Variants in DCTN4 observed in about 807,000 individuals in gnomAD.
DCTN4 encodes dynactin subunit 4.
Under a neutral mutation model 62.7 loss-of-function variants are expected in DCTN4, and 23 were observed. That is an observed-to-expected ratio of 0.37 (90% CI 0.26 to 0.52). The LOEUF (loss-of-function observed/expected upper bound fraction) is 0.52, where lower values mean the gene tolerates loss of function less well. Ranked by LOEUF, DCTN4 falls within the 20% of genes least tolerant of loss-of-function variation. The pLI is 0.92. For missense variants in DCTN4, 514 were observed against 580.4 expected (o/e 0.89, Z 1.18); for synonymous variants, 199 against 202.1 (o/e 0.98, Z 0.13).
chr5:150,711,477 A>G, intron 12 of DCTN4, 115 bp from the exon 13 acceptor site: 1 of 804,046 alleles, frequency 1.2e-6, no homozygotes, highest in Non-Finnish European at 2.0e-6. Flanking sequence ...CAGAAAACCT[A>G]TAAACACTTT....
intron 3 of DCTN4, among the ~76,000 whole-genome samples, chr5:150,748,332 G>C (rs955081553): frequency 1.3e-5 from 2 of 151,854 alleles, no homozygotes; most frequent in Admixed American, 6.6e-5. Context: ...CTTTTACACT[G>C]TTGGTGGGAC....
chr5:150,732,565 G>A (rs1458760461), intron 5 of DCTN4, among the ~76,000 whole-genome samples: 3 of 152,160 alleles, frequency 2.0e-5, no homozygotes, highest in Non-Finnish European at 4.4e-5. Context: ...TTCCTCAAGC[G>A]TAAAATGGGG....
In DCTN4 at chr5:150,711,145, C is replaced by G; in HGVS notation, c.*4G>C. The G allele has an allele frequency of 6.2e-7, 1 of 1,612,002 alleles. No homozygotes were observed. The highest frequency in any genetic ancestry group is 2.2e-5 in the East Asian group (1 of 44,890). On this transcript the variant is annotated 3_prime_UTR_variant, in exon 13 of 13. Transcript: ENST00000447998. Reference sequence around the variant, plus strand: ...CTTTGGGATCTGCCCTCCAGTGGAACCTTTTAAGGAAGAAGTGGGCCCAAG... The same window carrying G: ...CTTTGGGATCTGCCCTCCAGTGGAAGCTTTTAAGGAAGAAGTGGGCCCAAG...
At chr5:150,714,877 T>TC (rs1759699060) in intron 12 of DCTN4, among the ~76,000 whole-genome samples, 1 of 152,178 alleles carries the variant, frequency 6.6e-6, no homozygotes, top group African/African-American at 2.4e-5. Context: ...TCTAACTATT[T>TC]CCCTTTGTTC....
intron 11 of DCTN4, 83 bp downstream of exon 11, chr5:150,718,193 T>G: frequency 2.4e-6 from 2 of 830,126 alleles, no homozygotes; most frequent in East Asian, 2.7e-5. Flanking sequence ...GAAAGGAGAG[T>G]GTGTGGAGTC....
intron 3 of DCTN4, among the ~76,000 whole-genome samples, chr5:150,747,394 C>G (rs1464546016): frequency 6.6e-6 from 1 of 152,146 alleles, no homozygotes; most frequent in Non-Finnish European, 1.5e-5. Context: ...AATGCCATCC[C>G]CATCAAGCTA....
chr5:150,754,092 A>C (rs750590680), intron 2 of DCTN4, among the ~76,000 whole-genome samples: 9 of 152,240 alleles, frequency 5.9e-5, no homozygotes, highest in Non-Finnish European at 1.3e-4. Flanking sequence ...GAGAGCTTCA[A>C]CAGAAAGCAA....
At chr5:150,732,348 G>A (rs199629124) in intron 5 of DCTN4, among the ~76,000 whole-genome samples, 5 of 152,022 alleles carry the variant, frequency 3.3e-5, no homozygotes, top group Non-Finnish European at 5.9e-5. Context: ...ACAGGGTTTC[G>A]CCATGTTGGC....
chr5:150,724,716 G>A (rs2113022457), intron 8 of DCTN4, among the ~76,000 whole-genome samples: 1 of 152,156 alleles, frequency 6.6e-6, no homozygotes, highest in East Asian at 1.9e-4. Flanking sequence ...GCCATATTTA[G>A]TATATAACAA....
chr5:150,724,760 CAT>C (rs1338729518), intron 8 of DCTN4, among the ~76,000 whole-genome samples: 1 of 149,708 alleles, frequency 6.7e-6, no homozygotes, highest in Non-Finnish European at 1.5e-5. Flanking sequence ...CGTCTGCATA[CAT>C]ATAGACACAC....
chr5:150,757,798 G>A (rs1752916431), intron 1 of DCTN4: 1 of 152,120 alleles, frequency 6.6e-6, no homozygotes, highest in South Asian at 2.1e-4. Flanking sequence ...TATAGTATGT[G>A]TTTTCATATG....
intron 12 of DCTN4, among the ~76,000 whole-genome samples, chr5:150,712,324 T>A (rs542838501): frequency 6.6e-6 from 1 of 152,234 alleles, no homozygotes; most frequent in South Asian, 2.1e-4. Flanking sequence ...GAGATGGGGT[T>A]TCACCACATT....
intron 1 of DCTN4, 68 bp downstream of exon 1, chr5:150,758,791 T>C: frequency 6.3e-7 from 1 of 1,582,196 alleles, no homozygotes. Flanking sequence ...AGCCTTCCGG[T>C]GGCAGTGACT....
intron 3 of DCTN4, among the ~76,000 whole-genome samples, chr5:150,746,656 C>T (rs965748273): frequency 3.0e-4 from 46 of 152,138 alleles, no homozygotes; most frequent in African/African-American, 1.0e-3. Context: ...ATAAATGTAA[C>T]CCAGCATATA....
rs748696619 is a variant in DCTN4, at chr5:150,721,930, T to TC, written c.908+976dup. 9.9e-5 allele frequency among the ~76,000 whole-genome samples: 15 copies of TC among 152,104 alleles called. No individual in the cohort carries two copies. The East Asian group carries it at 2.1e-3, about 22-fold the overall frequency. On this transcript the variant is annotated intron_variant, in intron 9 of 12. Coordinates refer to ENST00000447998, the MANE Select transcript of DCTN4 (RefSeq NM_016221.4). ...GCCTTGACTTCCTGGGCTCAAGGGG[T>TC]CCTCTCACCTCAGACTCCCAAGTAG...
chr5:150,737,327 G>A (rs1760618491), intron 4 of DCTN4, among the ~76,000 whole-genome samples: 2 of 152,050 alleles, frequency 1.3e-5, no homozygotes, highest in African/African-American at 2.4e-5. Context: ...CTATTCATTA[G>A]CACATAGAAT....
chr5:150,718,736 T>C (rs937437138), intron 10 of DCTN4, among the ~76,000 whole-genome samples: 1 of 152,008 alleles, frequency 6.6e-6, no homozygotes, highest in South Asian at 2.1e-4. Flanking sequence ...ATAAATAAAA[T>C]ATGGGAGCCA....
chr5:150,739,023 A>G (rs11167512), intron 4 of DCTN4, among the ~76,000 whole-genome samples: 36,768 of 151,906 alleles, frequency 0.24, 9,077 homozygotes, highest in African/African-American at 0.62. Context: ...GTAAAACCCC[A>G]TCTGCACTAA....
Position 150,710,963 on chromosome 5 carries a change from G to A in DCTN4, c.*186C>T. The A allele has an allele frequency of 1.6e-6, 1 of 614,196 alleles. No homozygotes were observed. The allele number at this position is 614,196 out of a possible 1,614,324, so 38.0% of individuals were successfully genotyped here. On this transcript the variant is annotated 3_prime_UTR_variant, in exon 13 of 13. Transcript: ENST00000447998. ...CTTACTGGTGTCAACAGGGGTGAGA[G>A]CAAGAGCAACAGCAGCTACCCTGTG... is the stretch of plus-strand genomic sequence containing the variant.
Sources: allele counts gnomAD v4.1 joint callset (sites outside exome capture counted in the v4.1 genomes callset), GRCh38; gene constraint gnomAD v4.1.1; transcripts MANE v1.5; gene names NCBI Gene and HGNC (gene_info 2026-07-23, HGNC 2026-07-21).